Variants in RAB27A observed in about 807,000 individuals in gnomAD.
RAB27A encodes the protein ras-related protein Rab-27A.
In RAB27A, 17 loss-of-function variants were observed where a neutral mutation model predicts 20.8. The ratio of observed to expected loss-of-function variants is 0.82; its 90% CI spans 0.56 to 1.23. RAB27A has a LOEUF of 1.23. Ranked by LOEUF, RAB27A falls within the 50% of genes most tolerant of loss-of-function variation. RAB27A has a pLI of 0.00. For synonymous variants in RAB27A, 85 were observed against 92.8 expected (o/e 0.92, Z 0.48); for missense variants, 277 against 266.7 (o/e 1.04, Z -0.27).
chr15:55,257,579 AC>A (rs1246486743), intron 2 of RAB27A, among the ~76,000 whole-genome samples: 2 of 152,216 alleles, frequency 1.3e-5, no homozygotes, highest in African/African-American at 4.8e-5. Context: ...GTCAGGGAAG[AC>A]AGCTAGATGT....
At position 55,227,323 on chromosome 15, in the gene RAB27A, T is replaced by C. The variant is rs565706183; in HGVS notation, c.343+1286A>G. On this transcript the variant is annotated intron_variant, in intron 5 of 6. Transcript: ENST00000336787. Reference sequence around the variant, plus strand: ...GCACTCTCTAGTGATCCTTATAAAATAGTTGATTTTAAAAAGCCCCAGAAC... The same window carrying C: ...GCACTCTCTAGTGATCCTTATAAAACAGTTGATTTTAAAAAGCCCCAGAAC... Among the ~76,000 whole-genome samples the C allele has an allele frequency of 9.3e-5, 7 of 75,190 alleles. No homozygotes were observed. In the South Asian group the frequency reaches 3.2e-3, roughly 34 times the overall value. 49.3% of individuals were successfully genotyped at this position (75,190 alleles called of 152,430 possible).
In RAB27A at chr15:55,217,799, C is replaced by G. The variant is rs549787033; in HGVS notation, c.467+6090G>C. Among the ~76,000 whole-genome samples, 4 of 151,082 alleles carry G rather than the reference C, an allele frequency of 2.6e-5. No individual in the cohort carries two copies. The South Asian group carries it at 8.3e-4, about 32-fold the overall frequency. On this transcript the variant is annotated intron_variant, in intron 6 of 6. Transcript: ENST00000336787. ...TAGCACCACCATGGAGCCGTATTGC[C>G]AAAGACGAAAAAATTCAGCACTGCT...
chr15:55,287,076 C>T (rs562654254), intron 1 of RAB27A, among the ~76,000 whole-genome samples: 2 of 151,818 alleles, frequency 1.3e-5, no homozygotes, highest in East Asian at 1.9e-4. Flanking sequence ...CCCACCACCA[C>T]GCCCCGCTAA....
intron 1 of RAB27A, among the ~76,000 whole-genome samples, chr15:55,282,418 G>A (rs28417106): frequency 0.046 from 6,979 of 152,290 alleles, 544 homozygotes; most frequent in African/African-American, 0.16. Context: ...AATTCTGTAA[G>A]TGTAACAAAT....
At chr15:55,312,835 C>T (rs1380806112) in intron 2 of RAB27A, among the ~76,000 whole-genome samples, 1 of 152,110 alleles carries the variant, frequency 6.6e-6, no homozygotes, top group Non-Finnish European at 1.5e-5. Flanking sequence ...AGTCCATGTC[C>T]CTTGCCTTGA....
At chr15:55,211,584 G>C in intron 6 of RAB27A, among the ~76,000 whole-genome samples, 1 of 152,132 alleles carries the variant, frequency 6.6e-6, no homozygotes, top group East Asian at 1.9e-4. Context: ...AAATGCTAAT[G>C]ATTTTTGTAT....
intron 6 of RAB27A, among the ~76,000 whole-genome samples, chr15:55,222,868 T>C (rs764350008): frequency 2.0e-5 from 3 of 152,170 alleles, no homozygotes; most frequent in Non-Finnish European, 4.4e-5. Context: ...TGAATTTACA[T>C]ATGGGTTCTC....
At chr15:55,280,620 T>C (rs146734494) in intron 1 of RAB27A, among the ~76,000 whole-genome samples, 5,662 of 151,482 alleles carry the variant, frequency 0.037, 375 homozygotes, top group African/African-American at 0.13. Flanking sequence ...CAACTCATAA[T>C]TTACATTAGG....
intron 2 of RAB27A, among the ~76,000 whole-genome samples, chr15:55,244,882 A>G (rs73413613): frequency 0.011 from 1,618 of 152,274 alleles, 35 homozygotes; most frequent in African/African-American, 0.037. Flanking sequence ...CCTTATCAGT[A>G]CTTTTATGTT....
intron 2 of RAB27A, among the ~76,000 whole-genome samples, chr15:55,297,045 C>T (rs1320634218): frequency 2.0e-5 from 3 of 152,148 alleles, no homozygotes; most frequent in Non-Finnish European, 4.4e-5. Context: ...TATAGCAAGC[C>T]ACAAATGCAT....
intron 6 of RAB27A, among the ~76,000 whole-genome samples, chr15:55,216,351 G>A (rs936952375): frequency 2.0e-5 from 3 of 152,032 alleles, no homozygotes; most frequent in African/African-American, 7.3e-5. Flanking sequence ...TGGCCAACAT[G>A]GTGAAACCCT....
At chr15:55,293,311 G>A (rs891126186), upstream of RAB27A, among the ~76,000 whole-genome samples, 1 of 151,964 alleles carries the variant, frequency 6.6e-6, no homozygotes. Context: ...GCACCTGGAT[G>A]TTGATTTCTT....
intron 2 of RAB27A, among the ~76,000 whole-genome samples, chr15:55,296,297 A>G (rs1392386770): frequency 6.7e-6 from 1 of 148,616 alleles, no homozygotes; most frequent in Non-Finnish European, 1.5e-5. Flanking sequence ...GGAGTTCCAG[A>G]CCAGCCTGGC....
At chr15:55,244,822 T>C (rs1158668226) in intron 2 of RAB27A, among the ~76,000 whole-genome samples, 2 of 152,184 alleles carry the variant, frequency 1.3e-5, no homozygotes, top group Non-Finnish European at 2.9e-5. Flanking sequence ...TGTTCAGTGA[T>C]TGATTTGGAG....
intron 2 of RAB27A, chr15:55,259,838 G>C (rs1385319034): frequency 6.6e-6 from 1 of 152,080 alleles, no homozygotes; most frequent in Non-Finnish European, 1.5e-5. Flanking sequence ...TGGTCATTTT[G>C]ACCATCCCTG....
At chr15:55,282,917 A>C (rs1017067910) in intron 1 of RAB27A, among the ~76,000 whole-genome samples, 1 of 125,940 alleles carries the variant, frequency 7.9e-6, no homozygotes, top group Non-Finnish European at 1.6e-5. Flanking sequence ...GGAGACAATA[A>C]ATAAATAAAT....
intron 6 of RAB27A, among the ~76,000 whole-genome samples, chr15:55,213,723 T>G (rs1433054363): frequency 2.0e-5 from 3 of 152,248 alleles, no homozygotes; most frequent in African/African-American, 7.2e-5. Flanking sequence ...TATGAGAATC[T>G]AATGCCTGAT....
At chr15:55,293,704 G>A (rs1377202953), upstream of RAB27A, among the ~76,000 whole-genome samples, 4 of 152,032 alleles carry the variant, frequency 2.6e-5, no homozygotes, top group African/African-American at 4.8e-5. Context: ...GATTACCTGA[G>A]GTCAGGAGTT....
intron 2 of RAB27A, among the ~76,000 whole-genome samples, chr15:55,236,372 C>G (rs1896257759): frequency 6.6e-6 from 1 of 152,124 alleles, no homozygotes; most frequent in Non-Finnish European, 1.5e-5. Flanking sequence ...AGCCAGACTT[C>G]TCTAGAGTAT....
Sources: gnomAD v4.1 joint callset for allele counts (sites outside exome capture counted in the v4.1 genomes callset) on GRCh38, gnomAD v4.1.1 for gene constraint, MANE v1.5 for transcripts, NCBI Gene and HGNC (gene_info 2026-07-23, HGNC 2026-07-21) for gene names.